The following IKZF1 variants were observed in gnomAD, a reference collection of about 807,000 sequenced individuals.
The protein encoded by IKZF1 is IKAROS family zinc finger 1.
A neutral mutation model predicts 51.7 loss-of-function variants in IKZF1; 10 were observed. The ratio of observed to expected loss-of-function variants is 0.19; its 90% CI spans 0.12 to 0.33. IKZF1 has a LOEUF of 0.33. Ranked by LOEUF, IKZF1 falls within the 10% of genes least tolerant of loss-of-function variation. The probability of loss-of-function intolerance (pLI) is 1.00; values close to 1 mark genes in which losing one functional copy is unlikely to be tolerated. For synonymous variants in IKZF1, 280 were observed against 282.3 expected (o/e 0.99, Z 0.08); for missense variants, 484 against 707.5 (o/e 0.68, Z 3.58).
intron 2 of IKZF1, among the ~76,000 whole-genome samples, chr7:50,323,717 T>C (rs1432186659): frequency 2.0e-5 from 3 of 152,366 alleles, no homozygotes; most frequent in Non-Finnish European, 4.4e-5. Context: ...CTCTGTGTGT[T>C]TGCATGTCAT....
rs567346686 is a variant in IKZF1 at position 50,404,175 on chromosome 7, A to G, written c.*3548A>G. 80 of 214,788 alleles carry G rather than the reference A, an allele frequency of 3.7e-4. No individual in the cohort carries two copies. Among genetic ancestry groups the G allele is most frequent in the Admixed American group, 1.2e-4 (2 of 17,070 alleles). The allele number at this position is 214,788 out of a possible 1,614,324, so 13.3% of individuals were successfully genotyped here. A position where few individuals can be genotyped will look rare whatever the true frequency, so the allele number is the denominator to read the frequency against. ...ATACTTTCTAATACAGTTTTTTATAATGTTGTGTGTGGTGATTGTTCAGGT... is the reference window on the plus strand; with the variant it reads ...ATACTTTCTAATACAGTTTTTTATAGTGTTGTGTGTGGTGATTGTTCAGGT... On this transcript the variant is annotated 3_prime_UTR_variant, in exon 8 of 8. Coordinates refer to ENST00000331340, the MANE Select transcript of IKZF1 (RefSeq NM_006060.6).
At chr7:50,336,228 G>T (rs1797737989) in intron 3 of IKZF1, among the ~76,000 whole-genome samples, 1 of 152,154 alleles carries the variant, frequency 6.6e-6, no homozygotes, top group Non-Finnish European at 1.5e-5. Flanking sequence ...AGCACTGGGG[G>T]AGGAGGAGCC....
chr7:50,399,976 C>A lies in IKZF1; in HGVS notation c.909C>A (p.Asn303Lys). The A allele has an allele frequency of 6.2e-7, 1 of 1,613,558 alleles. No individual in the cohort carries two copies. Among genetic ancestry groups the A allele is most frequent in the Non-Finnish European group, 8.5e-7 (1 of 1,179,784 alleles). Residue 303 changes from asparagine (N) to lysine (K), a missense_variant, in exon 8 of 8, where the codon AAC (asparagine) becomes AAA (lysine). Physicochemically the swap from Asn to Lys is moderately conservative, Grantham distance 94. Coordinates refer to ENST00000331340, the MANE Select transcript of IKZF1 (RefSeq NM_006060.6). ...YDSSASYEKE[N>K]EMMKSHVMDQ... ...GCAGCGCCAGCTACGAGAAGGAGAACGAAATGATGAAGTCCCACGTGATGG... is the reference window on the plus strand; with the variant it reads ...GCAGCGCCAGCTACGAGAAGGAGAAAGAAATGATGAAGTCCCACGTGATGG...
intron 3 of IKZF1, among the ~76,000 whole-genome samples, chr7:50,363,237 C>A (rs1008206460): frequency 2.0e-5 from 3 of 152,116 alleles, no homozygotes; most frequent in African/African-American, 7.2e-5. Flanking sequence ...GTGGAGCCCC[C>A]AGACCAGGGC....
intron 1 of IKZF1, chr7:50,318,678 C>T (rs1405498660): frequency 4.3e-6 from 1 of 233,068 alleles, no homozygotes; most frequent in Non-Finnish European, 8.4e-6. Flanking sequence ...TTAGAAAGAA[C>T]ATAACTATGG....
At chr7:50,307,546 T>C (rs749352231) in intron 1 of IKZF1, among the ~76,000 whole-genome samples, 2 of 152,222 alleles carry the variant, frequency 1.3e-5, no homozygotes, top group African/African-American at 2.4e-5. Context: ...GGTGTCTCTA[T>C]GTTCATAACT....
chr7:50,352,455 A>C (rs1165244089), intron 3 of IKZF1, among the ~76,000 whole-genome samples: 1 of 152,196 alleles, frequency 6.6e-6, no homozygotes, highest in Non-Finnish European at 1.5e-5. Flanking sequence ...ATTTTAGGTC[A>C]AGGGTTTTTT....
chr7:50,370,502 G>A (rs911321212), intron 3 of IKZF1, among the ~76,000 whole-genome samples: 4 of 152,208 alleles, frequency 2.6e-5, no homozygotes, highest in Non-Finnish European at 4.4e-5. Flanking sequence ...CCATACAGGG[G>A]TGTGGGGTCT....
intron 4 of IKZF1, among the ~76,000 whole-genome samples, chr7:50,380,987 G>A (rs1811688941): frequency 6.6e-6 from 1 of 152,238 alleles, no homozygotes; most frequent in African/African-American, 2.4e-5. Flanking sequence ...AGCTAATACA[G>A]ATTTCTGTAA....
In IKZF1 at chr7:50,404,370, T is replaced by C. The variant is rs1336361922; in HGVS notation, c.*3743T>C. On this transcript the variant is annotated 3_prime_UTR_variant, in exon 8 of 8. Transcript: ENST00000331340. ...GGGATGTACCACTGGAGGAATAGAG[T>C]ATCCTTTTGTACACATTTTGAAATG... 2.7e-5 allele frequency: 6 copies of C among 226,058 alleles called. No homozygotes were observed. Among genetic ancestry groups the C allele is most frequent in the African/African-American group, 1.1e-4 (5 of 44,844 alleles). 14.0% of individuals were successfully genotyped at this position (226,058 alleles called of 1,614,324 possible).
chr7:50,354,354 C>T (rs915625431), intron 3 of IKZF1, among the ~76,000 whole-genome samples: 3 of 152,162 alleles, frequency 2.0e-5, no homozygotes, highest in Non-Finnish European at 4.4e-5. Flanking sequence ...GGCAGCCTGG[C>T]GGAGGTGAGC....
At chr7:50,365,152 T>C (rs1806489760) in intron 3 of IKZF1, among the ~76,000 whole-genome samples, 1 of 152,228 alleles carries the variant, frequency 6.6e-6, no homozygotes, top group Non-Finnish European at 1.5e-5. Flanking sequence ...TCCCAGTGAT[T>C]GGCTCCCAAA....
chr7:50,360,759 C>T (rs182882228), intron 3 of IKZF1, among the ~76,000 whole-genome samples: 1,680 of 152,370 alleles, frequency 0.011, 35 homozygotes, highest in African/African-American at 0.039. Flanking sequence ...TCGTCCCTTC[C>T]GCACTGCCTG....
chr7:50,333,998 C>T (rs1004646304), intron 3 of IKZF1, among the ~76,000 whole-genome samples: 1 of 152,210 alleles, frequency 6.6e-6, no homozygotes, highest in African/African-American at 2.4e-5. Context: ...CACCTCTAAG[C>T]TTTTCCATGT....
Position 50,403,008 on chromosome 7 carries a change from T to G in IKZF1, c.*2381T>G, listed in dbSNP as rs1012971796. 1.3e-5 allele frequency: 3 copies of G among 226,924 alleles called. No homozygotes were observed. The highest frequency in any genetic ancestry group is 2.6e-5 in the Non-Finnish European group (3 of 114,118). The allele number at this position is 226,924 out of a possible 1,614,324, so 14.1% of individuals were successfully genotyped here. ...CATCCATCCCCCTGAGTCAGTTGGT[T>G]GAAGGGAGTTATTTTTTCAAGTGGA... On this transcript the variant is annotated 3_prime_UTR_variant, in exon 8 of 8. Transcript: ENST00000331340.
At chr7:50,345,587 C>T (rs1235373633) in intron 3 of IKZF1, among the ~76,000 whole-genome samples, 1 of 152,044 alleles carries the variant, frequency 6.6e-6, no homozygotes, top group East Asian at 1.9e-4. Flanking sequence ...CTGTTGTGGC[C>T]CAGGCACTCT....
At chr7:50,337,016 G>A (rs1195602456) in intron 3 of IKZF1, among the ~76,000 whole-genome samples, 1 of 152,164 alleles carries the variant, frequency 6.6e-6, no homozygotes, top group Non-Finnish European at 1.5e-5. Flanking sequence ...GAGTTGCTGG[G>A]GACAGGATAA....
Position 50,319,104 on chromosome 7 carries a change from G to A in IKZF1, c.40+3G>A, listed in dbSNP as rs2153363464. 6.2e-7 allele frequency: 1 copy of A among 1,613,280 alleles called. No homozygotes were observed. Among genetic ancestry groups the A allele is most frequent in the Non-Finnish European group, 8.5e-7 (1 of 1,179,270 alleles). On this transcript the variant is annotated splice_donor_region_variant and intron_variant, in intron 2 of 7. Coordinates refer to ENST00000331340, the MANE Select transcript of IKZF1 (RefSeq NM_006060.6). Reference sequence around the variant, plus strand: ...TCAAGACATGTCCCAAGTTTCAGGTGAGACCTTATGAGATAGCTGTGTGGG... The same window carrying A: ...TCAAGACATGTCCCAAGTTTCAGGTAAGACCTTATGAGATAGCTGTGTGGG...
chr7:50,327,827 T>G (rs1795459919), intron 3 of IKZF1, 70 bp downstream of exon 3: 1 of 1,458,014 alleles, frequency 6.9e-7, no homozygotes. Context: ...AAGACAGTGA[T>G]GAAGGGATGC....
Sources: gnomAD v4.1 joint callset for allele counts (sites outside exome capture counted in the v4.1 genomes callset) on GRCh38, gnomAD v4.1.1 for gene constraint, MANE v1.5 for transcripts, NCBI Gene and HGNC (gene_info 2026-07-23, HGNC 2026-07-21) for gene names.